The following ACOT12 variants were observed in gnomAD, a reference collection of about 807,000 sequenced individuals.
ACOT12 encodes acyl-CoA thioesterase 12, also known as acetyl-coenzyme A thioesterase.
Under a neutral mutation model 67.7 loss-of-function variants are expected in ACOT12, and 51 were observed. The observed-to-expected ratio is 0.75, with a 90% confidence interval of 0.60 to 0.95. The LOEUF is 0.95. ACOT12 is among the 40% of genes least tolerant of loss of function. The probability of loss-of-function intolerance (pLI) is 0.00; values close to 1 mark genes in which losing one functional copy is unlikely to be tolerated. For missense variants in ACOT12, 734 were observed against 708.1 expected (o/e 1.04, Z -0.41); for synonymous variants, 251 against 244.6 (o/e 1.03, Z -0.24).
intron 1 of ACOT12, among the ~76,000 whole-genome samples, 195 bp downstream of exon 1, chr5:81,393,793 A>C (rs1365738590): frequency 1.3e-5 from 2 of 151,918 alleles, no homozygotes; most frequent in Non-Finnish European, 2.9e-5. Flanking sequence ...GAGTCCCGAG[A>C]GCCACACATT....
In ACOT12 at chr5:81,330,522, A is replaced by T; in HGVS notation, c.1540T>A (p.Ser514Thr). The T allele has an allele frequency of 6.2e-7, 1 of 1,614,066 alleles. No homozygotes were observed. The highest frequency in any genetic ancestry group is 8.5e-7 in the Non-Finnish European group (1 of 1,179,976). The change falls in exon 15 of 15, where the codon TCT becomes ACT. Residue 514 changes from serine to threonine, a missense_variant. Coordinates refer to ENST00000307624, the MANE Select transcript of ACOT12 (RefSeq NM_130767.3). ...SCIVSYFNHM[S>T]ASILPYFAGN... ...GCAAAGTAAGGAAGGATGCTAGCAG[A>T]CATATGGTTAAAGTAAGATACCTGT...
chr5:81,335,878 C>G lies in ACOT12; in HGVS notation c.1152G>C (p.Glu384Asp). Residue 384 changes from glutamate to aspartate, a missense_variant, in exon 12 of 15, where the codon GAG becomes GAC. Coordinates refer to ENST00000307624, the MANE Select transcript of ACOT12 (RefSeq NM_130767.3). ...VEKIKIYTLE[E>D]HDVLSVWVEK... ...CAACCCAAACAGATAAAACATCATGCTCTTCCAGAGTATATATTTTTATCT... is the reference window on the plus strand; with the variant it reads ...CAACCCAAACAGATAAAACATCATGGTCTTCCAGAGTATATATTTTTATCT... The G allele has an allele frequency of 1.9e-6, 3 of 1,613,510 alleles. No individual in the cohort carries two copies. The highest frequency in any genetic ancestry group is 2.5e-6 in the Non-Finnish European group (3 of 1,179,754).
chr5:81,356,576 C>T (rs1233579219), intron 5 of ACOT12, among the ~76,000 whole-genome samples: 1 of 152,182 alleles, frequency 6.6e-6, no homozygotes, highest in Non-Finnish European at 1.5e-5. Flanking sequence ...ACAGGCACTT[C>T]AGACTCCATA....
chr5:81,369,926 C>T, intron 3 of ACOT12, among the ~76,000 whole-genome samples: 1 of 152,220 alleles, frequency 6.6e-6, no homozygotes, highest in South Asian at 2.1e-4. Flanking sequence ...TTCTTCACGA[C>T]ATTTCCTTTC....
At chr5:81,318,174 T>C in the ACOT12 span, among the ~76,000 whole-genome samples, 3 of 152,176 alleles carry the variant, frequency 2.0e-5, no homozygotes, top group Non-Finnish European at 4.4e-5. Flanking sequence ...TGAGCCACTA[T>C]GCCTGGCCCA....
chr5:81,391,463 T>C (rs903970447), intron 1 of ACOT12, among the ~76,000 whole-genome samples: 5 of 152,250 alleles, frequency 3.3e-5, no homozygotes, highest in Non-Finnish European at 5.9e-5. Context: ...TTTTGTTCAC[T>C]TTTCACCTGC....
chr5:81,352,384 A>G (rs1322560983), intron 5 of ACOT12, among the ~76,000 whole-genome samples: 1 of 152,266 alleles, frequency 6.6e-6, no homozygotes, highest in Non-Finnish European at 1.5e-5. Context: ...GAATGAATAA[A>G]GAAAATATGA....
downstream of ACOT12, among the ~76,000 whole-genome samples, chr5:81,329,436 A>G (rs184193187): frequency 1.3e-5 from 2 of 152,366 alleles, no homozygotes; most frequent in East Asian, 3.9e-4. Context: ...TTGCTGGCAC[A>G]GGAAAAATGA....
At chr5:81,334,635 T>C (rs1158772561) in intron 12 of ACOT12, among the ~76,000 whole-genome samples, 2 of 152,238 alleles carry the variant, frequency 1.3e-5, no homozygotes, top group Admixed American at 6.5e-5. Context: ...TCTATCACAG[T>C]GAGTTTTAGA....
At chr5:81,308,955 CT>C in the ACOT12 span, 1 of 1,612,584 alleles carries the variant, frequency 6.2e-7, no homozygotes, top group South Asian at 1.1e-5. Flanking sequence ...GGCGAATTTC[CT>C]TTTGCAAAAT....
At chr5:81,308,639 G>A in the ACOT12 span, 1 of 1,613,964 alleles carries the variant, frequency 6.2e-7, no homozygotes, top group Non-Finnish European at 8.5e-7. Context: ...CATGGGCACT[G>A]GGATATGTTA....
intron 2 of ACOT12, among the ~76,000 whole-genome samples, chr5:81,377,110 A>C (rs1248303925): frequency 1.3e-5 from 2 of 152,216 alleles, no homozygotes; most frequent in Non-Finnish European, 2.9e-5. Context: ...GGCAAACCGA[A>C]TCCAGCAGCA....
At position 81,344,172 on chromosome 5, in the gene ACOT12, A is replaced by G. The variant is rs760574107; in HGVS notation, c.968T>C (p.Ile323Thr). 6.2e-7 allele frequency: 1 copy of G among 1,613,822 alleles called. No homozygotes were observed. Among genetic ancestry groups the G allele is most frequent in the Non-Finnish European group, 8.5e-7 (1 of 1,179,862 alleles). ...TTATGTTCCTTACCTGCCTAGGCGA[A>G]TTCGCTTGCGTGCAATAGCTCCCCG... Reference protein sequence around the residue: ...RYRGAIARKRIRLGRKYVISH... With the variant: ...RYRGAIARKRTRLGRKYVISH... The change falls in exon 9 of 15, where the codon ATT (isoleucine) becomes ACT (threonine). Residue 323 changes from isoleucine to threonine, a missense_variant. By Grantham distance (89) the Ile-to-Thr change is moderately conservative. Coordinates refer to ENST00000307624, the MANE Select transcript of ACOT12 (RefSeq NM_130767.3).
intron 8 of ACOT12, among the ~76,000 whole-genome samples, chr5:81,344,662 G>C (rs968537588): frequency 6.6e-6 from 1 of 152,160 alleles, no homozygotes; most frequent in Non-Finnish European, 1.5e-5. Flanking sequence ...ACCCACAGCA[G>C]TGTGTAGCCC....
intron 13 of ACOT12, 146 bp from the exon 14 acceptor site, chr5:81,331,086 A>C: frequency 3.4e-6 from 3 of 895,002 alleles, no homozygotes; most frequent in Non-Finnish European, 4.7e-6. Context: ...CTCATCAGAA[A>C]ACACTCTACA....
intron 1 of ACOT12, among the ~76,000 whole-genome samples, chr5:81,391,410 C>G (rs1760861547): frequency 6.6e-6 from 1 of 152,328 alleles, no homozygotes; most frequent in East Asian, 1.9e-4. Context: ...GCCAACACCA[C>G]TTTGTTCTTT....
intron 2 of ACOT12, among the ~76,000 whole-genome samples, chr5:81,375,521 G>A (rs193138738): frequency 6.6e-6 from 1 of 152,238 alleles, no homozygotes; most frequent in East Asian, 1.9e-4. Context: ...CAGGCTAAAT[G>A]CCCCAATTAA....
chr5:81,363,487 T>G (rs1451941810), intron 4 of ACOT12, among the ~76,000 whole-genome samples: 1 of 152,194 alleles, frequency 6.6e-6, no homozygotes, highest in Non-Finnish European at 1.5e-5. Context: ...ACTAAACCAG[T>G]AGGCAGTATT....
rs1758766721 is a variant in ACOT12, at chr5:81,330,115, G to A, written c.*279C>T. The A allele has an allele frequency of 8.1e-6, 2 of 246,662 alleles. No individual in the cohort carries two copies. Among genetic ancestry groups the A allele is most frequent in the South Asian group, 3.4e-4 (2 of 5,958 alleles). 15.3% of individuals were successfully genotyped at this position (246,662 alleles called of 1,614,324 possible). On this transcript the variant is annotated 3_prime_UTR_variant, in exon 15 of 15. Coordinates refer to ENST00000307624, the MANE Select transcript of ACOT12 (RefSeq NM_130767.3). ...TAAACTAAATTCATGCCATTTTATA[G>A]AACACATAGTACTGCATACAGGCAA...
Sources: allele counts gnomAD v4.1 joint callset (sites outside exome capture counted in the v4.1 genomes callset), GRCh38; gene constraint gnomAD v4.1.1; transcripts MANE v1.5; gene names NCBI Gene and HGNC (gene_info 2026-07-23, HGNC 2026-07-21).